ARHGAP31: variants seen among roughly 807,000 people sequenced by gnomAD.
ARHGAP31 encodes Rho GTPase activating protein 31.
Under a neutral mutation model 113.9 loss-of-function variants are expected in ARHGAP31, and 34 were observed. The observed-to-expected ratio is 0.30, with a 90% CI of 0.23 to 0.40. The LOEUF (loss-of-function observed/expected upper bound fraction) is 0.40. Ranked by LOEUF, ARHGAP31 falls within the 10% of genes least tolerant of loss-of-function variation. The probability of loss-of-function intolerance (pLI) is 1.00; values close to 1 mark genes in which losing one functional copy is unlikely to be tolerated. For missense variants in ARHGAP31, 1,548 were observed against 1,767.1 expected (o/e 0.88, Z 2.22); for synonymous variants, 650 against 684.8 (o/e 0.95, Z 0.79).
chr3:119,410,422 C>T (rs1043821902), intron 11 of ARHGAP31, among the ~76,000 whole-genome samples: 1 of 152,170 alleles, frequency 6.6e-6, no homozygotes, highest in Non-Finnish European at 1.5e-5. Flanking sequence ...CAGAGGAGGG[C>T]ACCAGAAAGG....
intron 1 of ARHGAP31, among the ~76,000 whole-genome samples, chr3:119,337,249 C>T (rs2079962083): frequency 6.6e-6 from 1 of 152,164 alleles, no homozygotes; most frequent in Non-Finnish European, 1.5e-5. Context: ...TTGCTTCCTT[C>T]TGGTGGGTTC....
chr3:119,379,543 C>A (rs116389111), intron 3 of ARHGAP31, among the ~76,000 whole-genome samples: 2 of 152,156 alleles, frequency 1.3e-5, no homozygotes, highest in Non-Finnish European at 2.9e-5. Flanking sequence ...ACCATCACCA[C>A]GGTTAGGATC....
chr3:119,307,445 A>G (rs1184081016), intron 1 of ARHGAP31, among the ~76,000 whole-genome samples: 2 of 152,200 alleles, frequency 1.3e-5, no homozygotes, highest in Non-Finnish European at 2.9e-5. Flanking sequence ...GAAGTTGAGA[A>G]AGCTGAGAAC....
chr3:119,316,643 C>A (rs1458959234), intron 1 of ARHGAP31, among the ~76,000 whole-genome samples: 1 of 152,132 alleles, frequency 6.6e-6, no homozygotes. Flanking sequence ...TTGTGTTTGC[C>A]TGCTTATTTT....
chr3:119,408,320 G>A (rs1326811863), intron 10 of ARHGAP31, among the ~76,000 whole-genome samples: 2 of 152,144 alleles, frequency 1.3e-5, no homozygotes, highest in Admixed American at 6.5e-5. Context: ...GCAAAGTGAT[G>A]GGCAAAAGGA....
chr3:119,371,697 A>T (rs537109846), intron 3 of ARHGAP31, among the ~76,000 whole-genome samples: 2 of 152,286 alleles, frequency 1.3e-5, no homozygotes, highest in African/African-American at 4.8e-5. Context: ...CAGGTTTGTT[A>T]TATAGGTAAA....
chr3:119,407,466 A>G (rs2080674407), intron 10 of ARHGAP31, among the ~76,000 whole-genome samples: 1 of 152,234 alleles, frequency 6.6e-6, no homozygotes, highest in Non-Finnish European at 1.5e-5. Context: ...GAGAAAATGT[A>G]AAGCAAACAA....
chr3:119,313,910 T>G (rs1318994796), intron 1 of ARHGAP31, among the ~76,000 whole-genome samples: 1 of 152,244 alleles, frequency 6.6e-6, no homozygotes, highest in Non-Finnish European at 1.5e-5. Flanking sequence ...TAGATTCTTA[T>G]AGTGGGCAAA....
At chr3:119,307,962 C>CAAAAAAAAAAA (rs1398577788) in intron 1 of ARHGAP31, among the ~76,000 whole-genome samples, 1 of 9,548 alleles carries the variant, frequency 1.0e-4, no homozygotes, top group Admixed American at 1.1e-3. Flanking sequence ...AAAAAAAAAG[C>CAAAAAAAAAAA]TCAATCTTAG....
chr3:119,365,127 C>A (rs1372934804), intron 1 of ARHGAP31, among the ~76,000 whole-genome samples, 189 bp from the exon 2 acceptor site: 1 of 151,996 alleles, frequency 6.6e-6, no homozygotes, highest in Non-Finnish European at 1.5e-5. Context: ...TTTAGCAAAG[C>A]CCTATGATTT....
chr3:119,413,832 A>C (rs1197554690), intron 11 of ARHGAP31, 24 bp from the exon 12 acceptor site: 1 of 1,614,190 alleles, frequency 6.2e-7, no homozygotes, highest in Non-Finnish European at 8.5e-7. Context: ...GTTCTAAGAC[A>C]ATCAGTTTAT....
At chr3:119,349,418 C>T (rs964035539) in intron 1 of ARHGAP31, among the ~76,000 whole-genome samples, 18 of 152,144 alleles carry the variant, frequency 1.2e-4, no homozygotes, top group African/African-American at 4.3e-4. Flanking sequence ...CTTCTCTGGG[C>T]TGGGTTCTGA....
intron 1 of ARHGAP31, among the ~76,000 whole-genome samples, chr3:119,301,255 C>G (rs1327960136): frequency 6.6e-6 from 1 of 152,218 alleles, no homozygotes; most frequent in Non-Finnish European, 1.5e-5. Context: ...CATCCAGATG[C>G]CTTCCAGCTT....
chr3:119,402,147 C>T lies in ARHGAP31; in HGVS notation c.1395C>T (p.Val465=), dbSNP rs781508035. 1.2e-6 allele frequency: 2 copies of T among 1,614,278 alleles called. No homozygotes were observed. Among genetic ancestry groups the T allele is most frequent in the East Asian group, 2.2e-5 (1 of 44,890 alleles). The change falls in exon 10 of 12, where the codon GTC becomes GTT. Residue 465 remains valine, a synonymous_variant. Transcript: ENST00000264245. ...CGAACGACAGCCCTAGCAAATCCGT[C>T]TTCACCAGCAGCCTCTTCCAGATGG... is the stretch of plus-strand genomic sequence containing the variant. ...YTSNDSPSKS[V]FTSSLFQMEP... is the part of the protein sequence containing the mutation.
intron 1 of ARHGAP31, among the ~76,000 whole-genome samples, chr3:119,323,103 C>T (rs1356711655): frequency 6.6e-6 from 1 of 152,234 alleles, no homozygotes; most frequent in African/African-American, 2.4e-5. Flanking sequence ...GCCGCAGCTT[C>T]CTCCCGCTGC....
chr3:119,385,805 C>T (rs996264338), intron 6 of ARHGAP31, among the ~76,000 whole-genome samples: 3 of 152,260 alleles, frequency 2.0e-5, no homozygotes, highest in African/African-American at 7.2e-5. Context: ...GAACCCAAAT[C>T]TTTTAGCCCA....
chr3:119,362,793 T>G (rs56975060), intron 1 of ARHGAP31, among the ~76,000 whole-genome samples: 3,622 of 119,838 alleles, frequency 0.03, 105 homozygotes, highest in East Asian at 0.17. Flanking sequence ...AGGCGGGGGG[T>G]GGAGTAGAGA....
chr3:119,357,352 AG>A (rs1350344817), intron 1 of ARHGAP31, among the ~76,000 whole-genome samples: 1 of 152,172 alleles, frequency 6.6e-6, no homozygotes, highest in Non-Finnish European at 1.5e-5. Flanking sequence ...GAAGGTGTGA[AG>A]GTGCAGAGCA....
At position 119,409,561 on chromosome 3, in the gene ARHGAP31, G is replaced by A. The variant is rs761893808; in HGVS notation, c.1711G>A (p.Glu571Lys). The change falls in exon 11 of 12, where the codon GAA becomes AAA. Residue 571 changes from glutamate (E) to lysine (K), a missense_variant. Coordinates refer to ENST00000264245, the MANE Select transcript of ARHGAP31 (RefSeq NM_020754.4). ...KAVPEAPGTV[E>K]CSKGLSQEPG... is the part of the protein sequence containing the mutation. ...AGTACCTGAAGCACCGGGGACAGTGGAATGCAGCAAAGGCCTGTCCCAGGA... is the reference window on the plus strand; with the variant it reads ...AGTACCTGAAGCACCGGGGACAGTGAAATGCAGCAAAGGCCTGTCCCAGGA... The A allele has an allele frequency of 6.2e-7, 1 of 1,614,112 alleles. No homozygotes were observed. Among genetic ancestry groups the A allele is most frequent in the African/African-American group, 1.3e-5 (1 of 74,954 alleles).
Sources: gnomAD v4.1 joint callset for allele counts (sites outside exome capture counted in the v4.1 genomes callset) on GRCh38, gnomAD v4.1.1 for gene constraint, MANE v1.5 for transcripts, NCBI Gene and HGNC (gene_info 2026-07-23, HGNC 2026-07-21) for gene names.